RIMS1: variants seen among roughly 807,000 people sequenced by gnomAD.
RIMS1 encodes regulating synaptic membrane exocytosis 1.
In RIMS1, 83 loss-of-function variants were observed where a neutral mutation model predicts 214.1. The ratio of observed to expected loss-of-function variants is 0.39; its 90% confidence interval spans 0.32 to 0.47. The LOEUF is 0.47. RIMS1 is among the 20% of genes least tolerant of loss of function. The pLI is 0.99. For synonymous variants in RIMS1, 793 were observed against 786.8 expected (o/e 1.01, Z -0.13); for missense variants, 2,050 against 2,161.8 (o/e 0.95, Z 1.03).
intron 2 of RIMS1, among the ~76,000 whole-genome samples, chr6:72,090,679 G>C (rs1835966301): frequency 6.6e-6 from 1 of 152,064 alleles, no homozygotes. Context: ...TTTGACACTG[G>C]TACATGCTGT....
chr6:72,077,843 A>G (rs1242712512), intron 2 of RIMS1, among the ~76,000 whole-genome samples: 1 of 152,234 alleles, frequency 6.6e-6, no homozygotes, highest in African/African-American at 2.4e-5. Context: ...CCTGGCTTGT[A>G]TCTGGTAATA....
intron 2 of RIMS1, among the ~76,000 whole-genome samples, chr6:72,006,975 A>C (rs1270297940): frequency 6.6e-6 from 1 of 152,172 alleles, no homozygotes; most frequent in Admixed American, 6.5e-5. Flanking sequence ...GGAAGACAGT[A>C]GTCATTCTCC....
intron 29 of RIMS1, among the ~76,000 whole-genome samples, chr6:72,335,254 G>A (rs777108683): frequency 4.0e-5 from 6 of 151,810 alleles, no homozygotes; most frequent in African/African-American, 9.7e-5. Context: ...GACAGGCCCC[G>A]GTGTGTGATG....
At chr6:72,205,164 C>G (rs16882189) in intron 6 of RIMS1, among the ~76,000 whole-genome samples, 1,869 of 151,962 alleles carry the variant, frequency 0.012, 39 homozygotes, top group African/African-American at 0.043. Context: ...TGTAATATTC[C>G]TACCATTAGA....
At chr6:72,210,092 G>A (rs1431457773) in intron 6 of RIMS1, among the ~76,000 whole-genome samples, 1 of 152,040 alleles carries the variant, frequency 6.6e-6, no homozygotes, top group Non-Finnish European at 1.5e-5. Context: ...CAAGACATGA[G>A]TCCCTTTTAT....
chr6:72,385,134 G>A (rs2098564176), intron 29 of RIMS1, among the ~76,000 whole-genome samples: 1 of 152,042 alleles, frequency 6.6e-6, no homozygotes, highest in Non-Finnish European at 1.5e-5. Flanking sequence ...TACTTCAGAT[G>A]GTGTTCACAA....
rs1420010914 is a variant in RIMS1 at position 72,200,951 on chromosome 6, A to C, written c.1678+17802A>C. Among the ~76,000 whole-genome samples, 3 of 151,878 alleles carry C rather than the reference A, an allele frequency of 2.0e-5. No homozygotes were observed. The East Asian group carries it at 5.8e-4, about 29-fold the overall frequency. ...TTTCTAAGAATATGCATTAAGAAAA[A>C]TTTGGAAATCATGGTGAGAGGCTGG... On this transcript the variant is annotated intron_variant, in intron 6 of 33. Transcript: ENST00000521978.
chr6:72,392,844 G>A (rs2154442964), intron 31 of RIMS1, 34 bp downstream of exon 31: 1 of 1,407,232 alleles, frequency 7.1e-7, no homozygotes, highest in Non-Finnish European at 1.0e-6. Flanking sequence ...CAAGAAAATT[G>A]ATGTTTTGTG....
At position 72,159,828 on chromosome 6, in the gene RIMS1, T is replaced by C. The variant is rs372738233; in HGVS notation, c.472-19747T>C. On this transcript the variant is annotated intron_variant, in intron 4 of 33. Transcript: ENST00000521978. Reference sequence around the variant, plus strand: ...TAGTTTGAAGTCAGGTAGTGTGATGTCTCCAGCTTTGTTCTTTTGGCTAAG... The same window carrying C: ...TAGTTTGAAGTCAGGTAGTGTGATGCCTCCAGCTTTGTTCTTTTGGCTAAG... Among the ~76,000 whole-genome samples the C allele has an allele frequency of 4.7e-4, 66 of 139,918 alleles. 3 individuals carry two copies. The highest frequency in any genetic ancestry group is 3.6e-3 in the Middle Eastern group (1 of 280). 91.8% of individuals were successfully genotyped at this position (139,918 alleles called of 152,430 possible).
rs114669446 is a variant in RIMS1 at position 72,037,996 on chromosome 6, C to T, written c.246-58953C>T. 7.6e-3 allele frequency among the ~76,000 whole-genome samples: 1,105 copies of T among 145,006 alleles called. 10 individuals carry two copies. Among genetic ancestry groups the T allele is most frequent in the African/African-American group, 0.027 (1,044 of 38,924 alleles). ...GGCACTCTGACGTGTACAATGAAAG[C>T]GTTTCTTCAGTTATTGATCTAACCT... On this transcript the variant is annotated intron_variant, in intron 2 of 33. Transcript: ENST00000521978.
chr6:72,149,468 T>C (rs2043210812), intron 4 of RIMS1, among the ~76,000 whole-genome samples: 2 of 151,880 alleles, frequency 1.3e-5, no homozygotes, highest in African/African-American at 2.4e-5. Flanking sequence ...TCTGATCCCA[T>C]GTGACAGCTA....
At chr6:71,995,021 A>G (rs973235826) in intron 2 of RIMS1, among the ~76,000 whole-genome samples, 2 of 152,184 alleles carry the variant, frequency 1.3e-5, no homozygotes, top group Non-Finnish European at 2.9e-5. Context: ...AGATCTATTA[A>G]CATATCAAGA....
rs369491291 is a variant in RIMS1 at position 72,284,182 on chromosome 6, A to T, written c.3554+64A>T. 18 of 1,369,712 alleles carry T rather than the reference A, an allele frequency of 1.3e-5. No individual in the cohort carries two copies. In the African/African-American group the frequency reaches 2.4e-4, roughly 18 times the overall value. The allele number at this position is 1,369,712 out of a possible 1,614,324, so 84.8% of individuals were successfully genotyped here. On this transcript the variant is annotated intron_variant, in intron 24 of 33. Transcript: ENST00000521978. ...TAGGAATATATTTAGGGGTGCTGTCACTCTCATTTTACATGATCAGTTCTT... is the reference window on the plus strand; with the variant it reads ...TAGGAATATATTTAGGGGTGCTGTCTCTCTCATTTTACATGATCAGTTCTT...
chr6:72,278,438 A>G (rs1300219113), intron 23 of RIMS1, among the ~76,000 whole-genome samples: 1 of 152,102 alleles, frequency 6.6e-6, no homozygotes, highest in Non-Finnish European at 1.5e-5. Flanking sequence ...CTCAACCAAG[A>G]GTATCAAGTG....
At chr6:72,223,892 G>T (rs1386697057) in intron 6 of RIMS1, among the ~76,000 whole-genome samples, 1 of 145,746 alleles carries the variant, frequency 6.9e-6, no homozygotes, top group Admixed American at 7.1e-5. Context: ...AGTTTGCAGT[G>T]AGCCGAGATC....
chr6:72,337,337 TA>T (rs2096876200), intron 29 of RIMS1, among the ~76,000 whole-genome samples: 1 of 151,814 alleles, frequency 6.6e-6, no homozygotes, highest in South Asian at 2.1e-4. Flanking sequence ...ATGAAGGCAT[TA>T]TTGGGAAGGT....
intron 4 of RIMS1, among the ~76,000 whole-genome samples, chr6:72,121,856 G>A (rs1254850567): frequency 6.6e-6 from 1 of 151,838 alleles, no homozygotes; most frequent in African/African-American, 2.4e-5. Context: ...GGAGCTTTTA[G>A]GATAAAGGGC....
intron 2 of RIMS1, among the ~76,000 whole-genome samples, chr6:71,992,367 T>A (rs1050900088): frequency 6.6e-6 from 1 of 151,914 alleles, no homozygotes; most frequent in Non-Finnish European, 1.5e-5. Flanking sequence ...TCTTTTTTCC[T>A]TTTTCTTTCT....
intron 29 of RIMS1, among the ~76,000 whole-genome samples, chr6:72,342,916 G>A (rs2097144043): frequency 6.6e-6 from 1 of 151,728 alleles, no homozygotes; most frequent in Non-Finnish European, 1.5e-5. Context: ...AAAGCTGAAG[G>A]AGCTTGAGTC....
Sources: gnomAD v4.1 joint callset for allele counts (sites outside exome capture counted in the v4.1 genomes callset) on GRCh38, gnomAD v4.1.1 for gene constraint, MANE v1.5 for transcripts, NCBI Gene and HGNC (gene_info 2026-07-23, HGNC 2026-07-21) for gene names.